Variants in SHISA6 observed in about 807,000 individuals in gnomAD.
SHISA6 encodes the protein shisa family member 6.
Under a neutral mutation model 47.9 loss-of-function variants are expected in SHISA6, and 22 were observed. The ratio of observed to expected loss-of-function variants is 0.46; its 90% CI spans 0.33 to 0.66. SHISA6 has a LOEUF of 0.66. SHISA6 is among the 30% of genes least tolerant of loss of function. The probability of loss-of-function intolerance (pLI) is 0.02; values close to 1 mark genes in which losing one functional copy is unlikely to be tolerated. For synonymous variants in SHISA6, 388 were observed against 337.8 expected (o/e 1.15, Z -1.63); for missense variants, 680 against 764.6 (o/e 0.89, Z 1.30).
At chr17:11,353,576 G>A (rs565061617) in intron 2 of SHISA6, among the ~76,000 whole-genome samples, 2 of 152,172 alleles carry the variant, frequency 1.3e-5, no homozygotes, top group East Asian at 3.9e-4. Flanking sequence ...TCTGATTGGA[G>A]GATGCATAAA....
intron 3 of SHISA6, among the ~76,000 whole-genome samples, chr17:11,437,637 A>C (rs577116333): frequency 1.3e-5 from 2 of 152,308 alleles, no homozygotes; most frequent in East Asian, 3.9e-4. Flanking sequence ...AGATTCCCCA[A>C]ATAAGTAGAA....
intron 3 of SHISA6, among the ~76,000 whole-genome samples, chr17:11,449,754 A>G (rs554771634): frequency 6.6e-6 from 1 of 152,342 alleles, no homozygotes; most frequent in South Asian, 2.1e-4. Flanking sequence ...TGAGGGCTCC[A>G]AGGGAAAATC....
chr17:11,494,689 G>C (rs1451057848), intron 3 of SHISA6, among the ~76,000 whole-genome samples: 1 of 152,182 alleles, frequency 6.6e-6, no homozygotes, highest in East Asian at 1.9e-4. Flanking sequence ...TGGCTGCCAG[G>C]CTGAGGAGTT....
chr17:11,356,855 C>T (rs1237718195), intron 2 of SHISA6, among the ~76,000 whole-genome samples: 1 of 152,112 alleles, frequency 6.6e-6, no homozygotes, highest in Non-Finnish European at 1.5e-5. Flanking sequence ...TTGGCGAGGT[C>T]AGGGGTGAAC....
chr17:11,337,389 T>G (rs1182379482), intron 2 of SHISA6, among the ~76,000 whole-genome samples: 1 of 152,178 alleles, frequency 6.6e-6, no homozygotes, highest in Non-Finnish European at 1.5e-5. Flanking sequence ...CCCTGGTGCA[T>G]GATTTGCCAT....
At chr17:11,292,869 G>C (rs1196306773) in intron 2 of SHISA6, among the ~76,000 whole-genome samples, 1 of 145,546 alleles carries the variant, frequency 6.9e-6, no homozygotes, top group Non-Finnish European at 1.5e-5. Flanking sequence ...TTATTGCCCA[G>C]GCTGGAGTGC....
chr17:11,444,981 A>G (rs1450616221), intron 3 of SHISA6, among the ~76,000 whole-genome samples: 1 of 152,248 alleles, frequency 6.6e-6, no homozygotes, highest in Non-Finnish European at 1.5e-5. Context: ...GATAAGTTAT[A>G]TAGAGGCACT....
rs78484293 is a variant in SHISA6, at chr17:11,249,898, C to T, written c.638+7838C>T. Among the ~76,000 whole-genome samples the T allele has an allele frequency of 6.9e-3, 1,056 of 152,280 alleles. 4 individuals carry two copies. The highest frequency in any genetic ancestry group is 0.012 in the Non-Finnish European group (821 of 68,016). On this transcript the variant is annotated intron_variant, in intron 1 of 5. Coordinates refer to ENST00000441885, the MANE Select transcript of SHISA6 (RefSeq NM_207386.4). ...AGGCAGGAGCCCAGAAGAGGCATTT[C>T]AGAAAGGAGTGAATGGCAGCTCTGC...
intron 3 of SHISA6, among the ~76,000 whole-genome samples, chr17:11,488,969 A>G (rs1296053887): frequency 6.6e-6 from 1 of 152,138 alleles, no homozygotes; most frequent in Non-Finnish European, 1.5e-5. Flanking sequence ...CTGCTCCCTG[A>G]TGAGTCTGTT....
intron 3 of SHISA6, among the ~76,000 whole-genome samples, chr17:11,543,910 C>CAAAAA (rs200573876): frequency 1.1e-4 from 11 of 96,388 alleles, no homozygotes; most frequent in African/African-American, 3.5e-4. Context: ...TATTTATAAG[C>CAAAAA]AAAAAAAAAA....
intron 3 of SHISA6, among the ~76,000 whole-genome samples, chr17:11,397,395 C>CTGTGTGTG (rs3034221): frequency 0.073 from 10,291 of 140,424 alleles, 393 homozygotes; most frequent in Non-Finnish European, 0.085. Context: ...TTACCTGCCT[C>CTGTGTGTG]TGTGTGTGTG....
intron 3 of SHISA6, among the ~76,000 whole-genome samples, chr17:11,505,755 A>G (rs2071493442): frequency 1.3e-5 from 2 of 152,232 alleles, no homozygotes; most frequent in African/African-American, 4.8e-5. Context: ...ACGGTTATTC[A>G]TTTAAACAAA....
chr17:11,534,284 A>G (rs563079711), intron 3 of SHISA6, among the ~76,000 whole-genome samples: 144 of 151,686 alleles, frequency 9.5e-4, no homozygotes, highest in African/African-American at 3.4e-3. Flanking sequence ...AGAATTATAC[A>G]GGCATGAGTC....
At chr17:11,549,512 A>C (rs531361889) in intron 3 of SHISA6, among the ~76,000 whole-genome samples, 1 of 152,240 alleles carries the variant, frequency 6.6e-6, no homozygotes, top group Non-Finnish European at 1.5e-5. Flanking sequence ...ATATATATTC[A>C]TTCTACTTCA....
intron 2 of SHISA6, among the ~76,000 whole-genome samples, chr17:11,326,188 T>C (rs757395344): frequency 5.3e-5 from 8 of 151,834 alleles, no homozygotes; most frequent in Non-Finnish European, 1.2e-4. Context: ...GGAGAATCAC[T>C]TGAACCCAGG....
intron 1 of SHISA6, among the ~76,000 whole-genome samples, chr17:11,259,616 A>G (rs548223403): frequency 2.4e-4 from 37 of 152,354 alleles, no homozygotes; most frequent in African/African-American, 8.7e-4. Context: ...GTGTTGAGAT[A>G]ACTAAGCACT....
intron 3 of SHISA6, among the ~76,000 whole-genome samples, chr17:11,421,514 C>T (rs1914451422): frequency 6.6e-6 from 1 of 152,208 alleles, no homozygotes; most frequent in Non-Finnish European, 1.5e-5. Flanking sequence ...TCTTGTACTC[C>T]TAGCCATTAC....
chr17:11,379,385 C>G (rs1912931419), intron 2 of SHISA6, 29 bp from the exon 3 acceptor site: 1 of 1,474,952 alleles, frequency 6.8e-7, no homozygotes, highest in Non-Finnish European at 9.2e-7. Flanking sequence ...CGTGGATGCG[C>G]CAGGTAATTC....
Position 11,241,875 on chromosome 17 carries a change from A to T in SHISA6, c.453A>T (p.Val151=). Residue 151 remains valine (V), a synonymous_variant, in exon 1 of 6, where the codon GTA becomes GTT. Coordinates refer to ENST00000441885, the MANE Select transcript of SHISA6 (RefSeq NM_207386.4). The surrounding 1 kb of genome is among the most constrained non-coding windows in gnomAD (Gnocchi z 5.5). ...CCAACTACCAGAGCCCGGTGTGGGTACAGACGCCCAGCACCAAGGTGGTGT... is the reference window on the plus strand; with the variant it reads ...CCAACTACCAGAGCCCGGTGTGGGTTCAGACGCCCAGCACCAAGGTGGTGT... ...QCTNYQSPVW[V]QTPSTKVVSP... 1 of 1,551,236 alleles carries T rather than the reference A, an allele frequency of 6.4e-7. No homozygotes were observed. The highest frequency in any genetic ancestry group is 8.7e-7 in the Non-Finnish European group (1 of 1,147,016).
Sources: allele counts gnomAD v4.1 joint callset (sites outside exome capture counted in the v4.1 genomes callset), GRCh38; gene constraint gnomAD v4.1.1; non-coding constraint Gnocchi (gnomAD v3.1); transcripts MANE v1.5; gene names NCBI Gene and HGNC (gene_info 2026-07-23, HGNC 2026-07-21).